Variants in FAT3 observed in about 807,000 individuals in gnomAD.
FAT3 encodes the protein protocadherin Fat 3.
A neutral mutation model predicts 310.2 loss-of-function variants in FAT3; 95 were observed. The ratio of observed to expected loss-of-function variants is 0.31; its 90% confidence interval spans 0.26 to 0.36. The LOEUF is 0.36. Ranked by LOEUF, FAT3 falls within the 10% of genes least tolerant of loss-of-function variation. The probability of loss-of-function intolerance (pLI) is 1.00; values close to 1 mark genes in which losing one functional copy is unlikely to be tolerated. For missense variants in FAT3, 5,408 were observed against 5,715.6 expected, an observed-to-expected ratio of 0.95 and a Z score of 1.74; for synonymous variants, 2,314 against 2,192.9, an observed-to-expected ratio of 1.06 and a Z score of -1.54.
chr11:92,391,109 G>A (rs1949738746), intron 2 of FAT3, among the ~76,000 whole-genome samples: 1 of 152,174 alleles, frequency 6.6e-6, no homozygotes, highest in Non-Finnish European at 1.5e-5. Flanking sequence ...AGTAGCCTAA[G>A]GCTGTGTAAC....
rs1951669864 is a variant in FAT3, at chr11:92,462,877, A to G, written c.3293-61757A>G. Among the ~76,000 whole-genome samples, 4 of 152,220 alleles carry G rather than the reference A, an allele frequency of 2.6e-5. No homozygotes were observed. In the South Asian group the frequency reaches 8.3e-4, roughly 31 times the overall value. On this transcript the variant is annotated intron_variant, in intron 2 of 27. Coordinates refer to ENST00000525166, the MANE Select transcript of FAT3 (RefSeq NM_001367949.2). Reference sequence around the variant, plus strand: ...AGAACTTCCAGTACTTCTTGTTCTCATCTGTCTCAGAGAGAAATCTCACTT... The same window carrying G: ...AGAACTTCCAGTACTTCTTGTTCTCGTCTGTCTCAGAGAGAAATCTCACTT...
chr11:92,591,125 A>G (rs1736955367), intron 3 of FAT3, among the ~76,000 whole-genome samples: 1 of 152,254 alleles, frequency 6.6e-6, no homozygotes, highest in Non-Finnish European at 1.5e-5. Flanking sequence ...AAATAATTCT[A>G]TTTCCAAGCC....
chr11:92,552,663 TTTAATC>T (rs1416244183), intron 3 of FAT3, among the ~76,000 whole-genome samples: 1 of 152,214 alleles, frequency 6.6e-6, no homozygotes, highest in African/African-American at 2.4e-5. Context: ...TAACAAAGCC[TTTAATC>T]TTAAAGTCTC....
chr11:92,341,909 A>G (rs568299124), intron 1 of FAT3, among the ~76,000 whole-genome samples: 7 of 152,326 alleles, frequency 4.6e-5, no homozygotes, highest in East Asian at 1.9e-4. Context: ...GAAGCCAGAT[A>G]TAGCTAATAT....
intron 4 of FAT3, among the ~76,000 whole-genome samples, chr11:92,733,248 A>ATAG: frequency 6.6e-6 from 1 of 152,336 alleles, no homozygotes; most frequent in South Asian, 2.1e-4. Context: ...GAGTAAAACA[A>ATAG]GTCTACATTC....
chr11:92,504,300 C>T (rs1435085483), intron 2 of FAT3, among the ~76,000 whole-genome samples: 3 of 152,088 alleles, frequency 2.0e-5, no homozygotes, highest in Admixed American at 1.3e-4. Context: ...TTTTTCCACC[C>T]ATCTTTTTTT....
intron 19 of FAT3, among the ~76,000 whole-genome samples, chr11:92,856,538 AACCTTTC>A (rs1260969298): frequency 2.6e-5 from 4 of 152,170 alleles, no homozygotes; most frequent in African/African-American, 4.8e-5. Context: ...CTGAGGGATT[AACCTTTC>A]ATCTTACTGT....
chr11:92,840,869 C>CGCATGGTAATGA, intron 18 of FAT3, 110 bp downstream of exon 18: 5 of 1,051,616 alleles, frequency 4.8e-6, no homozygotes, highest in Non-Finnish European at 3.9e-6. Context: ...AATTCATTAC[C>CGCATGGTAATGA]ATGCGGGAAT....
chr11:92,853,188 G>A (rs1948877784), intron 19 of FAT3, among the ~76,000 whole-genome samples: 1 of 152,242 alleles, frequency 6.6e-6, no homozygotes, highest in African/African-American at 2.4e-5. Context: ...GAGCAAGCAT[G>A]GGGTTCGGCC....
intron 3 of FAT3, among the ~76,000 whole-genome samples, chr11:92,525,177 C>A (rs1223511988): frequency 6.6e-6 from 1 of 152,056 alleles, no homozygotes; most frequent in African/African-American, 2.4e-5. Context: ...CACAAAAGGC[C>A]TTAGATTTGC....
chr11:92,229,269 T>G (rs183551772), intron 1 of FAT3, among the ~76,000 whole-genome samples: 1 of 152,248 alleles, frequency 6.6e-6, no homozygotes, highest in African/African-American at 2.4e-5. Context: ...ACCCAAATTG[T>G]GAGGAGTGGG....
chr11:92,883,840 G>A lies in FAT3; in HGVS notation c.12937+447G>A, dbSNP rs59894897. Among the ~76,000 whole-genome samples the A allele has an allele frequency of 0.051, 7,777 of 152,282 alleles. 671 individuals are homozygous for A. Among genetic ancestry groups the A allele is most frequent in the African/African-American group, 0.18 (7,332 of 41,522 alleles). ...GATGTCCAGAAGTGTGCTCTGGAAG[G>A]CTGGAAGAAGAGAGTATTTCCAGTC... On this transcript the variant is annotated intron_variant, in intron 24 of 27. Coordinates refer to ENST00000525166, the MANE Select transcript of FAT3 (RefSeq NM_001367949.2). The surrounding 1 kb of genome is among the most constrained non-coding windows in gnomAD (Gnocchi z 4.2).
At position 92,827,328 on chromosome 11, in the gene FAT3, A is replaced by C. The variant is rs2136247388; in HGVS notation, c.9482-4294A>C. On this transcript the variant is annotated intron_variant, in intron 13 of 27. Coordinates refer to ENST00000525166, the MANE Select transcript of FAT3 (RefSeq NM_001367949.2). ...ACTTAGGCCCAGGTCCAGCAACTTA[A>C]TGAGCAGTTGCAGGGAGCATCCACT... Among the ~76,000 whole-genome samples, 2 of 152,356 alleles carry C rather than the reference A, an allele frequency of 1.3e-5. 1 individual carries two copies. The highest frequency in any genetic ancestry group is 4.1e-4 in the South Asian group (2 of 4,828).
chr11:92,799,978 T>C lies in FAT3; in HGVS notation c.6965T>C (p.Val2322Ala), dbSNP rs1039184266. The C allele has an allele frequency of 1.9e-6, 3 of 1,613,554 alleles. No homozygotes were observed. ...GCAGACTCAGAAAACAATAAAATGGTACATTATCAGATTGTCCAGGATACC... is the reference window on the plus strand; with the variant it reads ...GCAGACTCAGAAAACAATAAAATGGCACATTATCAGATTGTCCAGGATACC... ...IDADSENNKM[V>A]HYQIVQDTYN... The change falls in exon 10 of 28, where the codon GTA (valine) becomes GCA (alanine). Residue 2322 changes from valine to alanine, a missense_variant. By Grantham distance (64) the Val-to-Ala change is moderately conservative (BLOSUM62 0). This residue lies in a region of FAT3 where 4,588 missense variants were observed against 4,809.8 expected (regional missense o/e 0.95). Transcript: ENST00000525166.
At chr11:92,736,183 C>T (rs574902878) in intron 4 of FAT3, among the ~76,000 whole-genome samples, 2 of 152,280 alleles carry the variant, frequency 1.3e-5, no homozygotes, top group East Asian at 3.9e-4. Flanking sequence ...TTCTTGGCAA[C>T]CAAACTGTTG....
At chr11:92,732,751 A>G (rs1945219309) in intron 4 of FAT3, among the ~76,000 whole-genome samples, 1 of 152,218 alleles carries the variant, frequency 6.6e-6, no homozygotes, top group Non-Finnish European at 1.5e-5. Flanking sequence ...TATTCAATAA[A>G]CATTTATAGA....
At position 92,790,191 on chromosome 11, in the gene FAT3, C is replaced by A. The variant is rs112079555; in HGVS notation, c.4584C>A (p.Ala1528=). 29 of 1,613,568 alleles carry A rather than the reference C, an allele frequency of 1.8e-5. 1 individual carries two copies. Among genetic ancestry groups the A allele is most frequent in the African/African-American group, 1.2e-4 (9 of 74,982 alleles). ...CTGCCGAGAGGCTGGACCATGAGGC[C>A]CAGGACAAGCACATTCTCAACATAA... is the stretch of plus-strand genomic sequence containing the variant. ...LYTAERLDHE[A]QDKHILNIMV... Residue 1528 remains alanine, a synonymous_variant, in exon 8 of 28, where the codon GCC becomes GCA. Coordinates refer to ENST00000525166, the MANE Select transcript of FAT3 (RefSeq NM_001367949.2).
rs1169911737 is a variant in FAT3, at chr11:92,478,993, T to TTTTCG, written c.3293-45639_3293-45638insTCGTT. On this transcript the variant is annotated intron_variant, in intron 2 of 27. Coordinates refer to ENST00000525166, the MANE Select transcript of FAT3 (RefSeq NM_001367949.2). ...TTTTCTTTTCTTTTCTTTTCTTTTC[T>TTTTCG]TTGTTGTTGTTTTTTGTTTTTTTTT... Among the ~76,000 whole-genome samples the TTTTCG allele has an allele frequency of 3.9e-3, 553 of 141,008 alleles. 4 individuals are homozygous for TTTTCG. The highest frequency in any genetic ancestry group is 0.011 in the Middle Eastern group (3 of 276). The allele number at this position is 141,008 out of a possible 152,430, so 92.5% of individuals were successfully genotyped here. A position where few individuals can be genotyped will look rare whatever the true frequency, so the allele number is the denominator to read the frequency against.
chr11:92,814,462 A>G (rs1333153020), intron 13 of FAT3, among the ~76,000 whole-genome samples: 1 of 152,308 alleles, frequency 6.6e-6, no homozygotes, highest in East Asian at 1.9e-4. Context: ...TTTTACACCT[A>G]TTTTATGAGT....
Sources: allele counts gnomAD v4.1 joint callset (sites outside exome capture counted in the v4.1 genomes callset), GRCh38; gene constraint gnomAD v4.1.1; regional missense constraint gnomAD v4.1.1; non-coding constraint Gnocchi (gnomAD v3.1); transcripts MANE v1.5; gene names NCBI Gene and HGNC (gene_info 2026-07-23, HGNC 2026-07-21).